TMCC1: variants seen among roughly 807,000 people sequenced by gnomAD.
TMCC1 encodes transmembrane and coiled-coil domain family 1.
In TMCC1, 15 loss-of-function variants were observed where a neutral mutation model predicts 52.4. The ratio of observed to expected loss-of-function variants is 0.29; its 90% confidence interval spans 0.19 to 0.44. The LOEUF is 0.44. Ranked by LOEUF, TMCC1 falls within the 20% of genes least tolerant of loss-of-function variation. The pLI is 1.00. For synonymous variants in TMCC1, 279 were observed against 301.9 expected (o/e 0.92, Z 0.79); for missense variants, 503 against 806.0 (o/e 0.62, Z 4.55).
chr3:129,771,957 A>G (rs1195448803), intron 4 of TMCC1, among the ~76,000 whole-genome samples: 2 of 152,194 alleles, frequency 1.3e-5, no homozygotes, highest in African/African-American at 4.8e-5. Context: ...AACAGGCAAG[A>G]AAGTACAGAT....
At chr3:129,791,042 G>C in intron 4 of TMCC1, among the ~76,000 whole-genome samples, 1 of 149,312 alleles carries the variant, frequency 6.7e-6, no homozygotes, top group South Asian at 2.1e-4. Context: ...GATAAACATA[G>C]AAAAACATCA....
chr3:129,788,062 T>TA lies in TMCC1; in HGVS notation c.576+39740dup, dbSNP rs1298881897. 3.3e-5 allele frequency among the ~76,000 whole-genome samples: 5 copies of TA among 152,234 alleles called. No individual in the cohort carries two copies. The East Asian group carries it at 9.6e-4, about 29-fold the overall frequency. ...TCCTCCTCACAAAGGCAGTCACTGTTACCTATATATACACAAAAGGAAGGG... is the reference window on the plus strand; with the variant it reads ...TCCTCCTCACAAAGGCAGTCACTGTTAACCTATATATACACAAAAGGAAGGG... On this transcript the variant is annotated intron_variant, in intron 4 of 6. Transcript: ENST00000393238.
At chr3:129,768,027 C>T (rs1281984068) in intron 4 of TMCC1, among the ~76,000 whole-genome samples, 1 of 152,014 alleles carries the variant, frequency 6.6e-6, no homozygotes, top group Non-Finnish European at 1.5e-5. Flanking sequence ...CTCATCTCTA[C>T]AAAAAAATGC....
chr3:129,681,448 CG>C lies in TMCC1; in HGVS notation c.577-10185del, dbSNP rs560964852. Among the ~76,000 whole-genome samples the C allele has an allele frequency of 1.7e-4, 26 of 150,702 alleles. No individual in the cohort carries two copies. The East Asian group carries it at 4.9e-3, about 28-fold the overall frequency. On this transcript the variant is annotated intron_variant, in intron 4 of 6. Transcript: ENST00000393238. ...GAGGTAAAGAATGATAAGTAGTCAA[CG>C]TTTTTTTTTTTCAGTAGGGAACTAA...
chr3:129,668,224 T>C (rs995332215), intron 5 of TMCC1, among the ~76,000 whole-genome samples: 1 of 152,158 alleles, frequency 6.6e-6, no homozygotes, highest in African/African-American at 2.4e-5. Context: ...GGAGTCAAAG[T>C]AGGCAGTTTT....
At chr3:129,659,082 T>TTTTC (rs1338885892) in intron 5 of TMCC1, among the ~76,000 whole-genome samples, 39 of 150,586 alleles carry the variant, frequency 2.6e-4, no homozygotes, top group African/African-American at 3.2e-4. Context: ...CTGTTTTCCT[T>TTTTC]TTTCTTTCTT....
At chr3:129,817,479 A>G (rs532826101) in intron 4 of TMCC1, among the ~76,000 whole-genome samples, 1 of 152,258 alleles carries the variant, frequency 6.6e-6, no homozygotes, top group East Asian at 1.9e-4. Context: ...GAACTTTAAG[A>G]TCATGAAATT....
chr3:129,749,135 T>A (rs573333816), intron 4 of TMCC1, among the ~76,000 whole-genome samples: 70 of 115,586 alleles, frequency 6.1e-4, no homozygotes, highest in East Asian at 1.6e-3. Flanking sequence ...CCAAAAAAAA[T>A]AATAATAATA....
intron 2 of TMCC1, among the ~76,000 whole-genome samples, chr3:129,866,455 G>A (rs1462132405): frequency 1.0e-4 from 15 of 145,470 alleles, no homozygotes; most frequent in East Asian, 1.0e-3. Context: ...TCAGCTCACC[G>A]CAACCTCTGC....
intron 4 of TMCC1, among the ~76,000 whole-genome samples, chr3:129,749,005 A>G (rs549775352): frequency 6.6e-6 from 1 of 152,110 alleles, no homozygotes; most frequent in African/African-American, 2.4e-5. Flanking sequence ...AGCCTGAGTG[A>G]CAGAGTGAGA....
chr3:129,763,017 T>C (rs1306164506), intron 4 of TMCC1, among the ~76,000 whole-genome samples: 2 of 151,070 alleles, frequency 1.3e-5, no homozygotes, highest in Non-Finnish European at 3.0e-5. Flanking sequence ...GCTAACATGG[T>C]GAAACCCCGT....
intron 4 of TMCC1, among the ~76,000 whole-genome samples, chr3:129,757,302 T>C (rs1055943224): frequency 6.6e-6 from 1 of 152,174 alleles, no homozygotes; most frequent in Non-Finnish European, 1.5e-5. Context: ...CCCTATCCTC[T>C]GGTTGAGCTC....
At chr3:129,720,181 CAAA>C (rs765678095) in intron 4 of TMCC1, among the ~76,000 whole-genome samples, 6 of 58,680 alleles carry the variant, frequency 1.0e-4, no homozygotes, top group Non-Finnish European at 1.0e-4. Context: ...GACCCTGTCT[CAAA>C]AAAAAAAAAA....
chr3:129,825,828 G>A (rs2058634007), intron 4 of TMCC1, among the ~76,000 whole-genome samples: 1 of 152,096 alleles, frequency 6.6e-6, no homozygotes, highest in Non-Finnish European at 1.5e-5. Flanking sequence ...CATTATTTGG[G>A]GGTAATGGGA....
At chr3:129,652,198 C>T (rs1335895325) in intron 6 of TMCC1, among the ~76,000 whole-genome samples, 2 of 152,182 alleles carry the variant, frequency 1.3e-5, no homozygotes, top group African/African-American at 4.8e-5. Context: ...ATCCCTGTCC[C>T]TGAGGCAGTA....
chr3:129,804,363 C>T (rs1015410981), intron 4 of TMCC1, among the ~76,000 whole-genome samples: 2 of 152,140 alleles, frequency 1.3e-5, no homozygotes, highest in East Asian at 1.9e-4. Flanking sequence ...GGTTACCCTG[C>T]AAATTATATC....
intron 2 of TMCC1, among the ~76,000 whole-genome samples, chr3:129,854,736 C>A (rs554401581): frequency 6.6e-6 from 1 of 152,174 alleles, no homozygotes; most frequent in Non-Finnish European, 1.5e-5. Context: ...GATCATAGCA[C>A]AAGTATCATT....
chr3:129,676,019 A>G (rs545134919), intron 4 of TMCC1, among the ~76,000 whole-genome samples: 41 of 144,918 alleles, frequency 2.8e-4, no homozygotes, highest in African/African-American at 1.1e-3. Context: ...CCTGGGCGAC[A>G]GAGCGAGACT....
chr3:129,849,912 C>G (rs1304371535), intron 2 of TMCC1, among the ~76,000 whole-genome samples: 1 of 146,736 alleles, frequency 6.8e-6, no homozygotes, highest in East Asian at 2.0e-4. Context: ...TTTTTTTTTA[C>G]TTTTTGTGCA....
Sources: gnomAD v4.1 joint callset for allele counts (sites outside exome capture counted in the v4.1 genomes callset) on GRCh38, gnomAD v4.1.1 for gene constraint, MANE v1.5 for transcripts, NCBI Gene and HGNC (gene_info 2026-07-23, HGNC 2026-07-21) for gene names.